Variants in P2RY14 observed in about 807,000 individuals in gnomAD.
P2RY14 encodes P2Y purinoceptor 14.
P2RY14 carries 2 observed loss-of-function variants against 0.9 expected under a neutral mutation model. The ratio of observed to expected loss-of-function variants is 2.16; its 90% CI spans 0.88 to 6.79. P2RY14 has a LOEUF of 6.79. Among genes scored for constraint, P2RY14 ranks in the 30% most tolerant of loss-of-function variants. P2RY14 has a pLI of 0.05. For synonymous variants in P2RY14, 158 were observed against 147.2 expected, an observed-to-expected ratio of 1.07 and a Z score of -0.53; for missense variants, 378 against 400.1, an observed-to-expected ratio of 0.94 and a Z score of 0.47.
At chr3:151,218,816 G>A (rs1344968704) in intron 2 of P2RY14, among the ~76,000 whole-genome samples, 3 of 131,066 alleles carry the variant, frequency 2.3e-5, no homozygotes, top group Admixed American at 9.1e-5. Context: ...GCAGTGAGCC[G>A]AGATCCCACC....
At chr3:151,240,694 GTGATTATTGCTGCTGTTATGTAAA>G (rs1473783322) in intron 1 of P2RY14, among the ~76,000 whole-genome samples, 1 of 152,220 alleles carries the variant, frequency 6.6e-6, no homozygotes, top group East Asian at 1.9e-4. Context: ...TTTATACAGT[GTGATTATTGCTGCTGTTATGTAAA>G]TATCCAGTCA....
intron 1 of P2RY14, among the ~76,000 whole-genome samples, chr3:151,221,430 C>T (rs1471777193): frequency 1.3e-5 from 2 of 152,194 alleles, no homozygotes; most frequent in Non-Finnish European, 2.9e-5. Context: ...AAGGTCTTTA[C>T]TGCAAGCCCA....
chr3:151,256,756 C>G (rs997103387), intron 1 of P2RY14, among the ~76,000 whole-genome samples: 1 of 147,388 alleles, frequency 6.8e-6, no homozygotes, highest in Non-Finnish European at 1.5e-5. Flanking sequence ...AAAACTCATA[C>G]AAGCAGAGCA....
chr3:151,272,744 T>A (rs1003356562), intron 1 of P2RY14, among the ~76,000 whole-genome samples: 2 of 152,020 alleles, frequency 1.3e-5, no homozygotes, highest in Non-Finnish European at 2.9e-5. Flanking sequence ...AGTTGTAGAT[T>A]TTCTTCCTTG....
At chr3:151,250,215 C>G (rs992577359) in intron 1 of P2RY14, among the ~76,000 whole-genome samples, 1 of 152,162 alleles carries the variant, frequency 6.6e-6, no homozygotes, top group Non-Finnish European at 1.5e-5. Context: ...ATTGCACATT[C>G]CTCAATCCAA....
At chr3:151,235,877 A>G (rs909051848) in intron 1 of P2RY14, among the ~76,000 whole-genome samples, 1 of 152,020 alleles carries the variant, frequency 6.6e-6, no homozygotes, top group African/African-American at 2.4e-5. Flanking sequence ...TAACATAGCC[A>G]TTCCCCCTAT....
chr3:151,257,307 A>G (rs1737999004), intron 1 of P2RY14, among the ~76,000 whole-genome samples: 1 of 152,182 alleles, frequency 6.6e-6, no homozygotes, highest in Non-Finnish European at 1.5e-5. Flanking sequence ...CTGCGTATTA[A>G]TCTCTTAGAC....
intron 1 of P2RY14, among the ~76,000 whole-genome samples, chr3:151,276,551 G>A (rs539171564): frequency 2.6e-5 from 4 of 152,252 alleles, no homozygotes; most frequent in South Asian, 2.1e-4. Context: ...ACTTGTGACC[G>A]ACCTAACTTC....
At chr3:151,237,481 C>A (rs920867467) in intron 1 of P2RY14, among the ~76,000 whole-genome samples, 3 of 150,646 alleles carry the variant, frequency 2.0e-5, no homozygotes, top group African/African-American at 7.3e-5. Context: ...TCCCAAGTAG[C>A]TGGGACTACA....
intron 1 of P2RY14, among the ~76,000 whole-genome samples, chr3:151,261,874 G>A (rs930054170): frequency 2.0e-5 from 3 of 151,960 alleles, no homozygotes; most frequent in Admixed American, 6.6e-5. Context: ...ACAGGCGTTC[G>A]TCACCATGCC....
intron 1 of P2RY14, among the ~76,000 whole-genome samples, chr3:151,254,564 A>G (rs1434183635): frequency 2.0e-5 from 3 of 152,218 alleles, no homozygotes; most frequent in Non-Finnish European, 4.4e-5. Flanking sequence ...ATTTGAACCA[A>G]ACCTTATTTA....
At chr3:151,243,592 GC>G (rs1734714000) in intron 1 of P2RY14, among the ~76,000 whole-genome samples, 1 of 151,568 alleles carries the variant, frequency 6.6e-6, no homozygotes, top group Admixed American at 6.6e-5. Context: ...CACCAGGCCT[GC>G]CCTAAAAGAG....
intron 1 of P2RY14, among the ~76,000 whole-genome samples, chr3:151,261,990 G>A (rs564959973): frequency 3.0e-4 from 46 of 152,286 alleles, no homozygotes; most frequent in Non-Finnish European, 5.6e-4. Flanking sequence ...GCCTCCCAGT[G>A]TGCTAAGATT....
chr3:151,272,885 T>G (rs71623428), intron 1 of P2RY14, among the ~76,000 whole-genome samples: 82 of 152,348 alleles, frequency 5.4e-4, no homozygotes, highest in Admixed American at 1.6e-3. Context: ...AGGGAGAGGT[T>G]AAGGAACACA....
chr3:151,214,327 C>A lies in P2RY14; in HGVS notation c.-11G>T, dbSNP rs747854349. 1.2e-6 allele frequency: 2 copies of A among 1,608,408 alleles called. No individual in the cohort carries two copies. The highest frequency in any genetic ancestry group is 8.5e-7 in the Non-Finnish European group (1 of 1,177,070). On this transcript the variant is annotated 5_prime_UTR_variant, in exon 3 of 3. Transcript: ENST00000309170. ...GGTTGAATTGATCATCTTGTAACTTCTGAAGGCAGAGGCCTGAAAAGAGGT... is the reference window on the plus strand; with the variant it reads ...GGTTGAATTGATCATCTTGTAACTTATGAAGGCAGAGGCCTGAAAAGAGGT...
intron 2 of P2RY14, among the ~76,000 whole-genome samples, chr3:151,215,523 A>G (rs966057449): frequency 6.6e-6 from 1 of 152,178 alleles, no homozygotes; most frequent in African/African-American, 2.4e-5. Flanking sequence ...TATGTGTTTC[A>G]CATTATGGTT....
chr3:151,260,012 G>A (rs996009796), intron 1 of P2RY14, among the ~76,000 whole-genome samples: 10 of 152,146 alleles, frequency 6.6e-5, no homozygotes, highest in Non-Finnish European at 1.0e-4. Flanking sequence ...ATTGTGAAGT[G>A]GGGAGCTCGG....
At chr3:151,221,483 G>A (rs763753451) in intron 1 of P2RY14, among the ~76,000 whole-genome samples, 5 of 152,208 alleles carry the variant, frequency 3.3e-5, no homozygotes, top group South Asian at 2.1e-4. Context: ...AAGTGGTTTC[G>A]TGGGCCCAGC....
At chr3:151,268,301 G>A (rs1740227714) in intron 1 of P2RY14, among the ~76,000 whole-genome samples, 1 of 152,068 alleles carries the variant, frequency 6.6e-6, no homozygotes, top group African/African-American at 2.4e-5. Flanking sequence ...GTGAATTACT[G>A]TTTTATGGCC....
Sources: allele counts gnomAD v4.1 joint callset (sites outside exome capture counted in the v4.1 genomes callset), GRCh38; gene constraint gnomAD v4.1.1; transcripts MANE v1.5; gene names NCBI Gene and HGNC (gene_info 2026-07-23, HGNC 2026-07-21).